SEMA3F: variants seen among roughly 807,000 people sequenced by gnomAD.
SEMA3F encodes semaphorin-3F.
A neutral mutation model predicts 98.5 loss-of-function variants in SEMA3F; 30 were observed. The ratio of observed to expected loss-of-function variants is 0.30; its 90% CI spans 0.23 to 0.41. SEMA3F has a LOEUF of 0.41. SEMA3F is among the 10% of genes least tolerant of loss of function. The pLI is 1.00. For synonymous variants in SEMA3F, 380 were observed against 444.8 expected (o/e 0.85, Z 1.83); for missense variants, 866 against 1,119.3 (o/e 0.77, Z 3.23).
At chr3:50,159,841 T>C (rs886730400) in intron 2 of SEMA3F, 107 bp downstream of exon 2, 18 of 756,594 alleles carry the variant, frequency 2.4e-5, no homozygotes, top group South Asian at 3.1e-5. Context: ...CCAGGACAAA[T>C]TGTACAGCCA....
At chr3:50,171,258 G>A (rs1038447032) in intron 2 of SEMA3F, among the ~76,000 whole-genome samples, 3 of 152,132 alleles carry the variant, frequency 2.0e-5, no homozygotes, top group Admixed American at 1.3e-4. Flanking sequence ...TGTTCTCTAC[G>A]GCCTTTCTCA....
At chr3:50,160,417 G>T (rs990850552) in intron 2 of SEMA3F, among the ~76,000 whole-genome samples, 1 of 152,304 alleles carries the variant, frequency 6.6e-6, no homozygotes, top group Non-Finnish European at 1.5e-5. Flanking sequence ...AGAGTGAGAG[G>T]CTGGTCGCCC....
Position 50,155,710 on chromosome 3 carries a change from A to T in SEMA3F, c.-49+146A>T, listed in dbSNP as rs1330359872. 2 of 230,496 alleles carry T rather than the reference A, an allele frequency of 8.7e-6. No individual in the cohort carries two copies. Among genetic ancestry groups the T allele is most frequent in the African/African-American group, 2.3e-5 (1 of 43,282 alleles). The allele number at this position is 230,496 out of a possible 1,614,324, so 14.3% of individuals were successfully genotyped here. On this transcript the variant is annotated intron_variant, in intron 1 of 18. Coordinates refer to ENST00000002829, the MANE Select transcript of SEMA3F (RefSeq NM_004186.5). This position sits in a 1 kb window ranked among gnomAD's most constrained non-coding sequence, Gnocchi z 4.9. ...GGGGCTGCCCGCGGACATAGGGGCAACAAGGCTGGGGTGGGATTCTTACCT... is the reference window on the plus strand; with the variant it reads ...GGGGCTGCCCGCGGACATAGGGGCATCAAGGCTGGGGTGGGATTCTTACCT...
rs570779193 is a variant in SEMA3F at position 50,168,747 on chromosome 3, C to CTG, written c.113-5043_113-5042dup. On this transcript the variant is annotated intron_variant, in intron 2 of 18. Transcript: ENST00000002829. ...GGCCGGGGCCACCCCTTCCTGGATC[C>CTG]TGTGGGGGTATCCGGTAGGGACCAC... 8.5e-5 allele frequency among the ~76,000 whole-genome samples: 13 copies of CTG among 152,304 alleles called. No homozygotes were observed. The East Asian group carries it at 1.9e-3, about 23-fold the overall frequency.
At position 50,187,710 on chromosome 3, in the gene SEMA3F, T is replaced by C; in HGVS notation, c.1953T>C (p.Arg651=). The C allele has an allele frequency of 6.3e-7, 1 of 1,588,220 alleles. No individual in the cohort carries two copies. Among genetic ancestry groups the C allele is most frequent in the Non-Finnish European group, 8.6e-7 (1 of 1,162,264 alleles). Reference sequence around the variant, plus strand: ...CCCTCTCCTTGCCCCTGCAGATTCGTGCAGAGGACCGCTTCCTGCGCACAG... The same window carrying C: ...CCCTCTCCTTGCCCCTGCAGATTCGCGCAGAGGACCGCTTCCTGCGCACAG... ...RDPGDRRREI[R]AEDRFLRTEQ... Residue 651 remains arginine (R), a synonymous_variant, in exon 19 of 19, where the codon CGT becomes CGC. Transcript: ENST00000002829.
chr3:50,181,215 G>C (rs998597043), intron 7 of SEMA3F, among the ~76,000 whole-genome samples: 13 of 152,092 alleles, frequency 8.5e-5, no homozygotes, highest in African/African-American at 2.9e-4. Flanking sequence ...AGTATTTGCA[G>C]TGCACAAAGC....
chr3:50,157,587 C>T (rs1356383841), intron 1 of SEMA3F, among the ~76,000 whole-genome samples: 1 of 152,090 alleles, frequency 6.6e-6, no homozygotes, highest in East Asian at 1.9e-4. Flanking sequence ...CCTCTCTGTC[C>T]TTCTTCTCCT....
chr3:50,162,861 G>A (rs1007308338), intron 2 of SEMA3F, among the ~76,000 whole-genome samples: 2 of 152,222 alleles, frequency 1.3e-5, no homozygotes, highest in African/African-American at 4.8e-5. Flanking sequence ...TAGGGAGAGG[G>A]AGCAGAAGGT....
chr3:50,186,459 A>G, intron 17 of SEMA3F, 111 bp downstream of exon 17: 2 of 1,411,730 alleles, frequency 1.4e-6, no homozygotes, highest in Non-Finnish European at 2.0e-6. Flanking sequence ...TGGCTAATGG[A>G]GGGTGGGGGC....
Position 50,174,314 on chromosome 3 carries a change from C to T in SEMA3F, c.420C>T (p.Pro140=). 2 of 1,613,258 alleles carry T rather than the reference C, an allele frequency of 1.2e-6. No homozygotes were observed. Among genetic ancestry groups the T allele is most frequent in the South Asian group, 2.2e-5 (2 of 91,084 alleles). Residue 140 remains proline, a synonymous_variant, in exon 5 of 19, where the codon CCC becomes CCT. Transcript: ENST00000002829. ...LYVCGTGAYN[P]MCTYVNRGRR... Reference sequence around the variant, plus strand: ...TGTGCGGGACAGGTGCCTACAACCCCATGTGCACCTATGTGAACCGCGGAC... The same window carrying T: ...TGTGCGGGACAGGTGCCTACAACCCTATGTGCACCTATGTGAACCGCGGAC...
At chr3:50,187,624 C>T (rs1699270737) in intron 18 of SEMA3F, 81 bp from the exon 19 acceptor site, 1 of 1,279,698 alleles carries the variant, frequency 7.8e-7, no homozygotes, top group Admixed American at 2.5e-5. Flanking sequence ...GGAATGGCCA[C>T]AAAGGTGGTC....
At chr3:50,179,364 T>A (rs1698940609) in intron 7 of SEMA3F, among the ~76,000 whole-genome samples, 1 of 151,192 alleles carries the variant, frequency 6.6e-6, no homozygotes. Flanking sequence ...CTTGCCGTAT[T>A]TCCCAGGCTG....
At chr3:50,174,954 G>T in intron 5 of SEMA3F, 142 bp from the exon 6 acceptor site, 1 of 655,518 alleles carries the variant, frequency 1.5e-6, no homozygotes, top group Non-Finnish European at 2.8e-6. Flanking sequence ...GTGTATGTAT[G>T]TACACACGCA....
chr3:50,167,286 G>T (rs963896598), intron 2 of SEMA3F, among the ~76,000 whole-genome samples: 37 of 152,234 alleles, frequency 2.4e-4, no homozygotes, highest in Admixed American at 7.2e-4. Context: ...CATGGGGAAG[G>T]CAGGGGTCAG....
chr3:50,177,480 T>G (rs533860299), intron 7 of SEMA3F, among the ~76,000 whole-genome samples: 1 of 152,262 alleles, frequency 6.6e-6, no homozygotes, highest in South Asian at 2.1e-4. Context: ...CAACACAGTC[T>G]GCCTCTCAGA....
rs1699083756 is a variant in SEMA3F at position 50,183,241 on chromosome 3, C to T, written c.1074C>T (p.Val358=). ...TGAGGAACCCTGTCATTTACGCTGT[C>T]TTTACCTCCTCTGGGTGAGGCTGGG... The part of the protein sequence containing the change: ...QDVRNPVIYA[V]FTSSGSVFRG... The change falls in exon 11 of 19, where the codon GTC becomes GTT. Residue 358 remains valine, a synonymous_variant. Transcript: ENST00000002829. 14 of 1,614,146 alleles carry T rather than the reference C, an allele frequency of 8.7e-6. No homozygotes were observed. Among genetic ancestry groups the T allele is most frequent in the Non-Finnish European group, 1.1e-5 (13 of 1,180,000 alleles).
rs1437427943 is a variant in SEMA3F, at chr3:50,188,006, G to A, written c.2249G>A (p.Trp750Ter). The A allele has an allele frequency of 1.2e-6, 2 of 1,603,402 alleles. No homozygotes were observed. Among genetic ancestry groups the A allele is most frequent in the Non-Finnish European group, 1.7e-6 (2 of 1,176,010 alleles). Residue 750 changes from tryptophan to a stop codon, truncating the protein, a stop_gained, in exon 19 of 19, where the codon TGG (tryptophan) becomes TAG (stop). Coordinates refer to ENST00000002829, the MANE Select transcript of SEMA3F (RefSeq NM_004186.5). LOFTEE classifies it high-confidence loss of function. The surrounding 1 kb of genome is among the most constrained non-coding windows in gnomAD (Gnocchi z 4.5). ...ATCCACCAGTACTGCCAGGGTTACT[G>A]GCGCCATGTGCCCCCCAGCCCCAGG... Reference protein sequence around the residue: ...GLIHQYCQGYWRHVPPSPREA... With the variant: ...GLIHQYCQGY
intron 2 of SEMA3F, among the ~76,000 whole-genome samples, chr3:50,169,573 G>A (rs1460613672): frequency 6.6e-6 from 1 of 152,118 alleles, no homozygotes; most frequent in Non-Finnish European, 1.5e-5. Context: ...CAGCACCCAG[G>A]CACACCACCC....
intron 18 of SEMA3F, among the ~76,000 whole-genome samples, chr3:50,187,274 A>G (rs1035337116): frequency 6.6e-6 from 1 of 152,130 alleles, no homozygotes; most frequent in Non-Finnish European, 1.5e-5. Flanking sequence ...CAAAAATACA[A>G]AAATTAGCTG....
Sources: allele counts gnomAD v4.1 joint callset (sites outside exome capture counted in the v4.1 genomes callset), GRCh38; gene constraint gnomAD v4.1.1; non-coding constraint Gnocchi (gnomAD v3.1); transcripts MANE v1.5; gene names NCBI Gene and HGNC (gene_info 2026-07-23, HGNC 2026-07-21).